TMEM130: variants seen among roughly 807,000 people sequenced by gnomAD.
TMEM130 encodes the protein transmembrane protein 130.
A neutral mutation model predicts 42.9 loss-of-function variants in TMEM130; 37 were observed. The observed-to-expected ratio is 0.86, with a 90% confidence interval of 0.66 to 1.13. The LOEUF (loss-of-function observed/expected upper bound fraction) is 1.13. TMEM130 is among the 50% of genes most tolerant of loss of function. The pLI, the probability that TMEM130 is intolerant of heterozygous loss-of-function variation, is 0.00. For missense variants in TMEM130, 545 were observed against 562.6 expected (o/e 0.97, Z 0.32); for synonymous variants, 259 against 237.7 (o/e 1.09, Z -0.82).
chr7:98,857,264 GATA>G, intron 3 of TMEM130, among the ~76,000 whole-genome samples: 1 of 152,190 alleles, frequency 6.6e-6, no homozygotes, highest in East Asian at 1.9e-4. Context: ...GAACTTTCAG[GATA>G]ATATCGATGG....
Position 98,863,406 on chromosome 7 carries a change from A to C in TMEM130, c.86-6T>G. On this transcript the variant is annotated splice_polypyrimidine_tract_variant and splice_region_variant and intron_variant, in intron 1 of 7. Coordinates refer to ENST00000339375, the MANE Select transcript of TMEM130 (RefSeq NM_152913.3). ...GAGATTGAGTTCATACAGGCCTAGG[A>C]GCCCAGAAACAAAGACTGTGTTTCA... 5 of 1,566,204 alleles carry C rather than the reference A, an allele frequency of 3.2e-6. No individual in the cohort carries two copies. Among genetic ancestry groups the C allele is most frequent in the Non-Finnish European group, 4.3e-6 (5 of 1,158,946 alleles).
At chr7:98,859,746 T>A (rs1232638627) in intron 3 of TMEM130, among the ~76,000 whole-genome samples, 1 of 150,380 alleles carries the variant, frequency 6.6e-6, no homozygotes, top group African/African-American at 2.4e-5. Context: ...ATTAATTAAT[T>A]AATTAAATTT....
chr7:98,861,280 G>A (rs1005143868), intron 2 of TMEM130, among the ~76,000 whole-genome samples: 16 of 151,704 alleles, frequency 1.1e-4, no homozygotes, highest in Admixed American at 2.6e-4. Context: ...AGAGCTTGCA[G>A]TGAGTCGAGA....
At chr7:98,857,197 A>G (rs1306827707) in intron 3 of TMEM130, among the ~76,000 whole-genome samples, 11 of 152,226 alleles carry the variant, frequency 7.2e-5, no homozygotes, top group Admixed American at 5.9e-4. Context: ...CACTGGAATG[A>G]CAGGTGTGAG....
rs1554400067 is a variant in TMEM130 at position 98,863,103 on chromosome 7, G to C, written c.383C>G (p.Pro128Arg). ...ATGGGAGCGACCCTCACCTGTGATG[G>C]GGAGGACCACAAAGCCCCTGGCCAC... ...QPVARGFVVL[P>R]ITEFLVGDLV... The change falls in exon 2 of 8, where the codon CCC (proline) becomes CGC (arginine). Residue 128 changes from proline (P) to arginine (R), a missense_variant. Physicochemically the swap from Pro to Arg is moderately radical, Grantham distance 103. Coordinates refer to ENST00000339375, the MANE Select transcript of TMEM130 (RefSeq NM_152913.3). 1.9e-6 allele frequency: 3 copies of C among 1,612,134 alleles called. No homozygotes were observed. The highest frequency in any genetic ancestry group is 2.5e-6 in the Non-Finnish European group (3 of 1,179,182).
rs1370588140 is a variant in TMEM130, at chr7:98,847,004, C to T, written c.*1052G>A. The T allele has an allele frequency of 3.3e-5, 5 of 152,142 alleles. No homozygotes were observed. Among genetic ancestry groups the T allele is most frequent in the Admixed American group, 2.6e-4 (4 of 15,258 alleles). 9.4% of individuals were successfully genotyped at this position (152,142 alleles called of 1,614,324 possible). A position where few individuals can be genotyped will look rare whatever the true frequency, so the allele number is the denominator to read the frequency against. On this transcript the variant is annotated 3_prime_UTR_variant, in exon 8 of 8. Coordinates refer to ENST00000339375, the MANE Select transcript of TMEM130 (RefSeq NM_152913.3). ...CCGAGTAGCTGGGACTACAGGCACC[C>T]ACCACCACGCCCGGCTAACTTTTTG...
intron 1 of TMEM130, among the ~76,000 whole-genome samples, chr7:98,864,696 C>T (rs782131976): frequency 1.1e-4 from 17 of 151,958 alleles, no homozygotes; most frequent in Non-Finnish European, 2.2e-4. Context: ...GTCAGGAGTT[C>T]GAGACCAGCC....
chr7:98,869,729 C>A lies in TMEM130; in HGVS notation c.85+48G>T. On this transcript the variant is annotated intron_variant, in intron 1 of 7. Coordinates refer to ENST00000339375, the MANE Select transcript of TMEM130 (RefSeq NM_152913.3). The surrounding 1 kb of genome is among the most constrained non-coding windows in gnomAD (Gnocchi z 4.7). Reference sequence around the variant, plus strand: ...CTCGCCCGCTGAGACGGTTCCAGGCCCCGGGCGGGCTGCGGCTGCAGGGAG... The same window carrying A: ...CTCGCCCGCTGAGACGGTTCCAGGCACCGGGCGGGCTGCGGCTGCAGGGAG... 1 of 1,306,482 alleles carries A rather than the reference C, an allele frequency of 7.7e-7. No individual in the cohort carries two copies. Among genetic ancestry groups the A allele is most frequent in the Non-Finnish European group, 9.9e-7 (1 of 1,015,166 alleles). The allele number at this position is 1,306,482 out of a possible 1,614,324, so 80.9% of individuals were successfully genotyped here.
chr7:98,866,971 C>T (rs1009744995), intron 1 of TMEM130: 1 of 152,016 alleles, frequency 6.6e-6, no homozygotes, highest in African/African-American at 2.4e-5. Flanking sequence ...GTAGCGTGCA[C>T]CTGTTGCCCC....
intron 3 of TMEM130, among the ~76,000 whole-genome samples, chr7:98,858,042 A>T (rs556028660): frequency 1.5e-4 from 23 of 152,236 alleles, no homozygotes; most frequent in African/African-American, 5.1e-4. Context: ...GCACCCGGCC[A>T]AAAACAAAAA....
intron 2 of TMEM130, among the ~76,000 whole-genome samples, chr7:98,862,333 TAGAA>T (rs1210140563): frequency 7.0e-6 from 1 of 142,950 alleles, no homozygotes; most frequent in Non-Finnish European, 1.5e-5. Flanking sequence ...AAGAGCAAGA[TAGAA>T]AGGGAAAACA....
chr7:98,867,647 G>C (rs1037398122), intron 1 of TMEM130, among the ~76,000 whole-genome samples: 1 of 152,180 alleles, frequency 6.6e-6, no homozygotes, highest in Non-Finnish European at 1.5e-5. Flanking sequence ...GACTGGGAGG[G>C]GGGATGGGGG....
At position 98,854,900 on chromosome 7, in the gene TMEM130, G is replaced by A. The variant is rs146590954; in HGVS notation, c.803+340C>T. On this transcript the variant is annotated intron_variant, in intron 5 of 7. Transcript: ENST00000339375. ...AAAATACAAAAATTAGCCGGGCATC[G>A]TGGAGTGCACCTGTAATCCCAGCTA... Among the ~76,000 whole-genome samples the A allele has an allele frequency of 1.6e-3, 242 of 152,264 alleles. 1 individual carries two copies. The highest frequency in any genetic ancestry group is 5.6e-3 in the African/African-American group (231 of 41,548).
At chr7:98,863,953 A>C (rs1187833704) in intron 1 of TMEM130, among the ~76,000 whole-genome samples, 2 of 151,090 alleles carry the variant, frequency 1.3e-5, no homozygotes, top group East Asian at 1.9e-4. Flanking sequence ...ACTGGAGTAC[A>C]ATCATCACAG....
At chr7:98,849,609 G>A (rs782557515) in intron 6 of TMEM130, among the ~76,000 whole-genome samples, 38 of 152,146 alleles carry the variant, frequency 2.5e-4, no homozygotes, top group Middle Eastern at 3.4e-3. Flanking sequence ...AGTGGGATTG[G>A]GGAAACTGGA....
Position 98,847,915 on chromosome 7 carries a change from T to C in TMEM130, c.*141A>G. The C allele has an allele frequency of 1.3e-6, 1 of 773,618 alleles. No individual in the cohort carries two copies. The highest frequency in any genetic ancestry group is 2.1e-6 in the Non-Finnish European group (1 of 480,798). The allele number at this position is 773,618 out of a possible 1,614,324, so 47.9% of individuals were successfully genotyped here. A position where few individuals can be genotyped will look rare whatever the true frequency, so the allele number is the denominator to read the frequency against. On this transcript the variant is annotated 3_prime_UTR_variant, in exon 8 of 8. Coordinates refer to ENST00000339375, the MANE Select transcript of TMEM130 (RefSeq NM_152913.3). ...AGAGGGAGGGGCTTGTGGCAGTGGC[T>C]GAACTGTACAGATGGATGGATGATC...
At chr7:98,853,559 C>T (rs1584235801) in intron 5 of TMEM130, among the ~76,000 whole-genome samples, 1 of 152,170 alleles carries the variant, frequency 6.6e-6, no homozygotes, top group African/African-American at 2.4e-5. Flanking sequence ...ACCCGGGAGG[C>T]GGAGGTTGCA....
chr7:98,855,151 G>A (rs1794596978), intron 5 of TMEM130, 89 bp downstream of exon 5: 1 of 1,216,760 alleles, frequency 8.2e-7, no homozygotes, highest in Non-Finnish European at 1.2e-6. Context: ...CCTGAGGCCT[G>A]TCACAGAGCA....
In TMEM130 at chr7:98,851,462, C is replaced by A. The variant is rs782034902; in HGVS notation, c.965G>T (p.Ser322Ile). 3.8e-5 allele frequency: 62 copies of A among 1,613,948 alleles called. No homozygotes were observed. The South Asian group carries it at 6.0e-4, about 16-fold the overall frequency. The change falls in exon 6 of 8, where the codon AGC becomes ATC. Residue 322 changes from serine to isoleucine, a missense_variant. Transcript: ENST00000339375. ...CFSIRAENII[S>I]KTHQYHKIQV... is the part of the protein sequence containing the mutation. ...GATCTTGTGGTACTGATGTGTCTTG[C>A]TGATGATATTCTCGGCCCGGATGCT...
Sources: allele counts gnomAD v4.1 joint callset (sites outside exome capture counted in the v4.1 genomes callset), GRCh38; gene constraint gnomAD v4.1.1; non-coding constraint Gnocchi (gnomAD v3.1); transcripts MANE v1.5; gene names NCBI Gene and HGNC (gene_info 2026-07-23, HGNC 2026-07-21).